The following CSRP3 variants were observed in gnomAD, a reference collection of about 807,000 sequenced individuals.
CSRP3 encodes cysteine and glycine-rich protein 3.
Under a neutral mutation model 24.3 loss-of-function variants are expected in CSRP3, and 24 were observed. That is an observed-to-expected ratio of 0.99 (90% confidence interval 0.71 to 1.39). The LOEUF is 1.39. Ranked by LOEUF, CSRP3 falls within the 40% of genes most tolerant of loss-of-function variation. The pLI is 0.00. For synonymous variants in CSRP3, 105 were observed against 94.0 expected (o/e 1.12, Z -0.68); for missense variants, 240 against 249.0 (o/e 0.96, Z 0.24).
chr11:19,186,493 TA>T, intron 3 of CSRP3, 145 bp from the exon 4 acceptor site: 1 of 1,112,576 alleles, frequency 9.0e-7, no homozygotes, highest in South Asian at 1.3e-5. Flanking sequence ...GTCTTTCTCA[TA>T]GCGTTGTTGA....
At chr11:19,189,832 G>A (rs1456339439) in intron 2 of CSRP3, among the ~76,000 whole-genome samples, 1 of 152,166 alleles carries the variant, frequency 6.6e-6, no homozygotes, top group East Asian at 1.9e-4. Flanking sequence ...ACTTTATAAG[G>A]CTTTAAACAC....
At chr11:19,191,774 G>A (rs1263945256) in intron 2 of CSRP3, among the ~76,000 whole-genome samples, 1 of 152,192 alleles carries the variant, frequency 6.6e-6, no homozygotes, top group African/African-American at 2.4e-5. Context: ...GTGAGTCAGT[G>A]TCTGGCGGGT....
chr11:19,198,083 A>G (rs1263886907), intron 1 of CSRP3, among the ~76,000 whole-genome samples: 3 of 152,214 alleles, frequency 2.0e-5, no homozygotes, highest in Non-Finnish European at 4.4e-5. Context: ...AAAGCTTTAC[A>G]TATATTATTT....
At position 19,195,693 on chromosome 11, in the gene CSRP3, G is replaced by C. The variant is rs377506400; in HGVS notation, c.-28-3217C>G. On this transcript the variant is annotated intron_variant, in intron 1 of 5. Transcript: ENST00000265968. ...GGGGGATAAAAATACATATATATCT[G>C]TGTGTGTGTGTGTGTGTGTGGATTC... 6.4e-4 allele frequency among the ~76,000 whole-genome samples: 7 copies of C among 10,882 alleles called. No homozygotes were observed. In the Admixed American group the frequency reaches 7.6e-3, roughly 12 times the overall value. 7.1% of individuals were successfully genotyped at this position (10,882 alleles called of 152,430 possible).
intron 2 of CSRP3, among the ~76,000 whole-genome samples, chr11:19,190,518 T>C (rs1358809110): frequency 1.3e-5 from 2 of 152,280 alleles, no homozygotes; most frequent in Admixed American, 6.5e-5. Flanking sequence ...TGTTTATTTG[T>C]ACCATTTTTA....
chr11:19,191,011 G>A (rs1221067461), intron 2 of CSRP3, among the ~76,000 whole-genome samples: 2 of 152,160 alleles, frequency 1.3e-5, no homozygotes, highest in African/African-American at 4.8e-5. Context: ...CTGTTCCCAC[G>A]CAGTTACCAA....
intron 3 of CSRP3, among the ~76,000 whole-genome samples, chr11:19,186,980 C>G (rs988249018): frequency 1.3e-5 from 2 of 152,208 alleles, no homozygotes; most frequent in Non-Finnish European, 2.9e-5. Flanking sequence ...TGTACCACAA[C>G]CCTATAAGGT....
intron 1 of CSRP3, among the ~76,000 whole-genome samples, chr11:19,195,922 G>T (rs1345479654): frequency 6.6e-6 from 1 of 152,146 alleles, no homozygotes; most frequent in Non-Finnish European, 1.5e-5. Flanking sequence ...TGTAACCATG[G>T]AGGCTAAACA....
intron 1 of CSRP3, among the ~76,000 whole-genome samples, chr11:19,194,167 A>G (rs771132210): frequency 6.6e-5 from 10 of 152,186 alleles, no homozygotes; most frequent in Non-Finnish European, 1.3e-4. Flanking sequence ...CAGTCTCATA[A>G]CAAAGGCAGT....
At chr11:19,197,511 C>CTTTCTT (rs1198978213) in intron 1 of CSRP3, among the ~76,000 whole-genome samples, 1 of 100,434 alleles carries the variant, frequency 1.0e-5, no homozygotes, top group Non-Finnish European at 2.0e-5. Flanking sequence ...CTCTTTCTTT[C>CTTTCTT]TTTCTTTCTT....
chr11:19,183,166 A>AAATT (rs1850466529), intron 5 of CSRP3, among the ~76,000 whole-genome samples: 1 of 149,754 alleles, frequency 6.7e-6, no homozygotes, highest in South Asian at 2.1e-4. Flanking sequence ...TCAAGAATAA[A>AAATT]AATAATAAAA....
At chr11:19,201,224 G>A (rs1380425103) in intron 1 of CSRP3, among the ~76,000 whole-genome samples, 1 of 152,198 alleles carries the variant, frequency 6.6e-6, no homozygotes, top group Non-Finnish European at 1.5e-5. Flanking sequence ...ATTTAATAGA[G>A]CTTTTAATAT....
intron 2 of CSRP3, among the ~76,000 whole-genome samples, chr11:19,189,544 C>A (rs1850583806): frequency 1.3e-5 from 2 of 152,108 alleles, no homozygotes; most frequent in South Asian, 4.1e-4. Flanking sequence ...TATAAGCAAT[C>A]CAGCATTGAA....
intron 1 of CSRP3, among the ~76,000 whole-genome samples, chr11:19,198,279 T>A (rs1850775700): frequency 6.6e-6 from 1 of 152,224 alleles, no homozygotes; most frequent in Non-Finnish European, 1.5e-5. Context: ...CTCATGCTCC[T>A]GTTTATAACA....
intron 1 of CSRP3, among the ~76,000 whole-genome samples, chr11:19,197,575 C>CTTTCTTTCT (rs1218780980): frequency 1.0e-5 from 1 of 99,304 alleles, no homozygotes; most frequent in African/African-American, 3.9e-5. Flanking sequence ...TTCTTTCTTT[C>CTTTCTTTCT]TTCTTTCACT....
intron 1 of CSRP3, among the ~76,000 whole-genome samples, chr11:19,198,984 A>G (rs1330634335): frequency 2.0e-5 from 3 of 152,196 alleles, no homozygotes. Flanking sequence ...TTATTACATT[A>G]TCTCCAGTTT....
At position 19,195,165 on chromosome 11, in the gene CSRP3, G is replaced by A. The variant is rs74439662; in HGVS notation, c.-28-2689C>T. ...TCACCAGATACAGAAAAGTGGGAAG[G>A]AATAATGCTAATGAAGTCATGCAGA... is the stretch of plus-strand genomic sequence containing the variant. On this transcript the variant is annotated intron_variant, in intron 1 of 5. Coordinates refer to ENST00000265968, the MANE Select transcript of CSRP3 (RefSeq NM_003476.5). Among the ~76,000 whole-genome samples the A allele has an allele frequency of 3.0e-3, 455 of 151,838 alleles. 4 individuals are homozygous for A. Among genetic ancestry groups the A allele is most frequent in the African/African-American group, 8.9e-3 (367 of 41,424 alleles).
Position 19,186,278 on chromosome 11 carries a change from C to T in CSRP3, c.352G>A (p.Glu118Lys), listed in dbSNP as rs763096875. The change falls in exon 4 of 6, where the codon GAG becomes AAG. Residue 118 changes from glutamate to lysine, a missense_variant. Physicochemically the swap from Glu to Lys is moderately conservative, Grantham distance 56. Coordinates refer to ENST00000265968, the MANE Select transcript of CSRP3 (RefSeq NM_003476.5). Reference protein sequence around the residue: ...SKFTAKFGESEKCPRCGKSVY... With the variant: ...SKFTAKFGESKKCPRCGKSVY... Reference sequence around the variant, plus strand: ...GACTTGCCACATCGAGGGCACTTCTCGGACTCTCCAAACTTCGCAGTGAAT... The same window carrying T: ...GACTTGCCACATCGAGGGCACTTCTTGGACTCTCCAAACTTCGCAGTGAAT... 8.1e-6 allele frequency: 13 copies of T among 1,614,214 alleles called. No individual in the cohort carries two copies. The highest frequency in any genetic ancestry group is 1.6e-4 in the Middle Eastern group (1 of 6,062).
chr11:19,192,800 CG>C (rs913428487), intron 1 of CSRP3, among the ~76,000 whole-genome samples: 2 of 151,784 alleles, frequency 1.3e-5, no homozygotes, highest in African/African-American at 4.8e-5. Context: ...ATACAAAGAT[CG>C]TTTTTTTTTT....
Sources: allele counts gnomAD v4.1 joint callset (sites outside exome capture counted in the v4.1 genomes callset), GRCh38; gene constraint gnomAD v4.1.1; transcripts MANE v1.5; gene names NCBI Gene and HGNC (gene_info 2026-07-23, HGNC 2026-07-21).